Variants in CDHR4 observed in about 807,000 individuals in gnomAD.
CDHR4 encodes cadherin related family member 4, also known as cadherin-related family member 4.
CDHR4 carries 89 observed loss-of-function variants against 88.4 expected under a neutral mutation model. The observed-to-expected ratio is 1.01, with a 90% CI of 0.85 to 1.20. The LOEUF (loss-of-function observed/expected upper bound fraction) is 1.20. Among genes scored for constraint, CDHR4 ranks in the 50% most tolerant of loss-of-function variants. The pLI, the probability that CDHR4 is intolerant of heterozygous loss-of-function variation, is 0.00. For missense variants in CDHR4, 914 were observed against 1,007.2 expected, an observed-to-expected ratio of 0.91 and a Z score of 1.25; for synonymous variants, 368 against 399.2, an observed-to-expected ratio of 0.92 and a Z score of 0.93.
chr3:49,793,339 G>T, intron 12 of CDHR4, 28 bp from the exon 13 acceptor site: 1 of 1,548,326 alleles, frequency 6.5e-7, no homozygotes, highest in South Asian at 1.2e-5. Flanking sequence ...GTTAGGAGTG[G>T]GTGGAACCCA....
rs2081314384 is a variant in CDHR4, at chr3:49,798,840, G to T, written c.481C>A (p.Leu161Ile). ...LYTLLLPGLELHGAQMSIISA... is the reference protein window; with the variant it reads ...LYTLLLPGLEIHGAQMSIISA... ...TCTGGGCTTACCTGCGCTCCGTGGAGTTCTAGGCCTGGGAGGAGCAGAGTG... is the reference window on the plus strand; with the variant it reads ...TCTGGGCTTACCTGCGCTCCGTGGATTTCTAGGCCTGGGAGGAGCAGAGTG... The change falls in exon 4 of 19, where the codon CTC becomes ATC. Residue 161 changes from leucine to isoleucine, a missense_variant. Physicochemically the swap from Leu to Ile is conservative, Grantham distance 5. Coordinates refer to ENST00000412678, the MANE Select transcript of CDHR4 (RefSeq NM_001007540.4). 4.3e-6 allele frequency: 7 copies of T among 1,613,802 alleles called. No homozygotes were observed. Among genetic ancestry groups the T allele is most frequent in the Non-Finnish European group, 5.9e-6 (7 of 1,179,874 alleles).
In CDHR4 at chr3:49,795,355, G is replaced by C. The variant is rs73079003; in HGVS notation, c.872C>G (p.Thr291Arg). ...TGAGGTGCGAGCTAACTCTAGGGGC[G>C]TGGTGGTCCGGACCACACCGTCTGC... ...GRADGVVRTTTPLELARTSGT... is the reference protein window; with the variant it reads ...GRADGVVRTTRPLELARTSGT... The change falls in exon 8 of 19, where the codon ACG becomes AGG. Residue 291 changes from threonine to arginine, a missense_variant. By Grantham distance (71) the Thr-to-Arg change is moderately conservative. Transcript: ENST00000412678. The surrounding 1 kb of genome is among the most constrained non-coding windows in gnomAD (Gnocchi z 5.4). 1.3e-6 allele frequency: 2 copies of C among 1,550,942 alleles called. No individual in the cohort carries two copies. Among genetic ancestry groups the C allele is most frequent in the South Asian group, 2.4e-5 (2 of 84,044 alleles).
chr3:49,795,721 C>T lies in CDHR4; in HGVS notation c.754G>A (p.Gly252Ser), dbSNP rs554908956. ...GCCTGGACCTGAACCACCTCACTAC[C>T]GGGGGCCAGATTCTCAGGGATGGTG... is the stretch of plus-strand genomic sequence containing the variant. The part of the protein sequence containing the change: ...NITIPENLAP[G>S]SEVVQVQARG... The change falls in exon 7 of 19, where the codon GGT becomes AGT. Residue 252 changes from glycine to serine, a missense_variant. Transcript: ENST00000412678. The surrounding 1 kb of genome is among the most constrained non-coding windows in gnomAD (Gnocchi z 5.4). 1.1e-4 allele frequency: 163 copies of T among 1,551,660 alleles called. 4 individuals are homozygous for T. The South Asian group carries it at 1.6e-3, about 15-fold the overall frequency.
Position 49,799,309 on chromosome 3 carries a change from G to C in CDHR4, c.178C>G (p.Pro60Ala), listed in dbSNP as rs1457586681. The part of the protein sequence containing the change: ...TPTLELLNVQ[P>A]PTTFFNPPSL... ...GGTGGGTTGAAGAAGGTGGTGGGTG[G>C]CTGGACATTGAGCAACTCCAGGGTG... Residue 60 changes from proline (P) to alanine (A), a missense_variant, in exon 2 of 19, where the codon CCA (proline) becomes GCA (alanine). Physicochemically the swap from Pro to Ala is conservative, Grantham distance 27 (BLOSUM62 -1). Transcript: ENST00000412678. 1 of 1,613,828 alleles carries C rather than the reference G, an allele frequency of 6.2e-7. No homozygotes were observed. The highest frequency in any genetic ancestry group is 8.5e-7 in the Non-Finnish European group (1 of 1,179,854).
At chr3:49,798,754 G>T (rs1575353537) in intron 4 of CDHR4, 72 bp downstream of exon 4, 4 of 1,446,436 alleles carry the variant, frequency 2.8e-6, no homozygotes, top group African/African-American at 2.8e-5. Context: ...GCCTGGCCAG[G>T]TGGGGGTTAA....
At chr3:49,800,640 C>T (rs1261439932), upstream of CDHR4, among the ~76,000 whole-genome samples, 1 of 152,148 alleles carries the variant, frequency 6.6e-6, no homozygotes, top group African/African-American at 2.4e-5. Context: ...CACCAGGTGG[C>T]ATCCAGGAGT....
chr3:49,793,486 G>T (rs999207540), intron 12 of CDHR4, 97 bp downstream of exon 12: 1 of 1,494,142 alleles, frequency 6.7e-7, no homozygotes, highest in Admixed American at 2.2e-5. Flanking sequence ...ACTCGTGGAA[G>T]AAACCAAGGC....
At chr3:49,797,317 C>G (rs2081286986) in intron 4 of CDHR4, among the ~76,000 whole-genome samples, 1 of 151,360 alleles carries the variant, frequency 6.6e-6, no homozygotes, top group Non-Finnish European at 1.5e-5. Flanking sequence ...CTCTCTCTGT[C>G]GCCCAGGCTG....
At position 49,792,898 on chromosome 3, in the gene CDHR4, G is replaced by T. The variant is rs1172134136; in HGVS notation, c.1951C>A (p.Pro651Thr). ...GTGGCCACTGTGCTGGCCCTCCGGG[G>T]AACTAGATGCACAATAATGGTGGCT... Reference protein sequence around the residue: ...TTATIIVHLVPRRASTVATST... With the variant: ...TTATIIVHLVTRRASTVATST... Residue 651 changes from proline to threonine, a missense_variant, in exon 14 of 19, where the codon CCC (proline) becomes ACC (threonine). Physicochemically the swap from Pro to Thr is conservative, Grantham distance 38. Transcript: ENST00000412678. 1 of 1,550,548 alleles carries T rather than the reference G, an allele frequency of 6.4e-7. No individual in the cohort carries two copies. The highest frequency in any genetic ancestry group is 8.7e-7 in the Non-Finnish European group (1 of 1,146,150).
chr3:49,791,296 G>C (rs2081175835), intron 18 of CDHR4, 145 bp downstream of exon 18: 3 of 868,914 alleles, frequency 3.5e-6, no homozygotes, highest in South Asian at 1.8e-5. Flanking sequence ...GCGGGGATGA[G>C]AGCAGACCCC....
At chr3:49,799,657 T>C in intron 1 of CDHR4, 107 bp downstream of exon 1, 1 of 1,295,238 alleles carries the variant, frequency 7.7e-7, no homozygotes, top group Non-Finnish European at 1.1e-6. Flanking sequence ...TTCAGATTCT[T>C]ACACTTTCCT....
chr3:49,795,977 C>A lies in CDHR4; in HGVS notation c.676G>T (p.Val226Phe). The A allele has an allele frequency of 6.5e-7, 1 of 1,545,362 alleles. No homozygotes were observed. Among genetic ancestry groups the A allele is most frequent in the Non-Finnish European group, 8.7e-7 (1 of 1,144,418 alleles). ...QSCQGMVIVKVLPVPSSQVSF... is the reference protein window; with the variant it reads ...QSCQGMVIVKFLPVPSSQVSF... The stretch of plus-strand genomic sequence containing the variant: ...ACCTGGCTGGAGGGAACAGGCAAAA[C>A]CTTCACTATCACCATCCCTTGGCAG... The change falls in exon 6 of 19, where the codon GTT becomes TTT. Residue 226 changes from valine (V) to phenylalanine (F), a missense_variant. Coordinates refer to ENST00000412678, the MANE Select transcript of CDHR4 (RefSeq NM_001007540.4). The surrounding 1 kb of genome is among the most constrained non-coding windows in gnomAD (Gnocchi z 5.4).
chr3:49,801,997 T>C (rs2081367252), upstream of CDHR4, among the ~76,000 whole-genome samples: 1 of 152,204 alleles, frequency 6.6e-6, no homozygotes, highest in South Asian at 2.1e-4. Flanking sequence ...CTGGTTTTGC[T>C]GACCTTTTCC....
Position 49,791,458 on chromosome 3 carries a change from C to T in CDHR4, c.2294G>A (p.Gly765Asp), listed in dbSNP as rs1436935265. The stretch of plus-strand genomic sequence containing the variant: ...GGACTCACGGGAGTCCTGTGCTCTG[C>T]CATCAAAATGCTGCTGAGGGAAAAA... ...PSSVMSLHFD[G>D]RAQDSRTGRD... The change falls in exon 18 of 19, where the codon GGC (glycine) becomes GAC (aspartate). Residue 765 changes from glycine (G) to aspartate (D), a missense_variant. Physicochemically the swap from Gly to Asp is moderately conservative, Grantham distance 94 (BLOSUM62 -1). Coordinates refer to ENST00000412678, the MANE Select transcript of CDHR4 (RefSeq NM_001007540.4). The T allele has an allele frequency of 3.9e-6, 6 of 1,547,102 alleles. No individual in the cohort carries two copies. In the Middle Eastern group the frequency reaches 6.7e-4, roughly 173 times the overall value.
chr3:49,795,938 C>A lies in CDHR4; in HGVS notation c.710+5G>T. The A allele has an allele frequency of 6.5e-7, 1 of 1,534,276 alleles. No individual in the cohort carries two copies. Among genetic ancestry groups the A allele is most frequent in the Non-Finnish European group, 8.8e-7 (1 of 1,139,082 alleles). ...CCTCACTGTTCCAGGGTAGGGGAGC[C>A]TTACAGGAAGGAGACCTGGCTGGAG... On this transcript the variant is annotated splice_donor_5th_base_variant and intron_variant, in intron 6 of 18. Coordinates refer to ENST00000412678, the MANE Select transcript of CDHR4 (RefSeq NM_001007540.4). This position sits in a 1 kb window ranked among gnomAD's most constrained non-coding sequence, Gnocchi z 5.4.
At chr3:49,802,092 C>T (rs1274846297), upstream of CDHR4, among the ~76,000 whole-genome samples, 1 of 152,216 alleles carries the variant, frequency 6.6e-6, no homozygotes, top group East Asian at 1.9e-4. Flanking sequence ...GGTCTCTTCC[C>T]TGGCTGCTCC....
chr3:49,797,604 CCCGAA>C (rs904303712), intron 4 of CDHR4, among the ~76,000 whole-genome samples: 1 of 152,142 alleles, frequency 6.6e-6, no homozygotes, highest in Non-Finnish European at 1.5e-5. Context: ...GTCTCAGCCT[CCCGAA>C]TAGCTGAGAT....
chr3:49,798,987 G>A lies in CDHR4; in HGVS notation c.403+7C>T, dbSNP rs1275563009. The A allele has an allele frequency of 6.2e-7, 1 of 1,610,134 alleles. No homozygotes were observed. The highest frequency in any genetic ancestry group is 8.5e-7 in the Non-Finnish European group (1 of 1,178,474). On this transcript the variant is annotated splice_region_variant and intron_variant, in intron 3 of 18. Coordinates refer to ENST00000412678, the MANE Select transcript of CDHR4 (RefSeq NM_001007540.4). ...GCCCCCACCCTGCCGGCTGCCCCTG[G>A]CCTCACCTGGGCTGGCAAATTGACC... is the stretch of plus-strand genomic sequence containing the variant.
At chr3:49,799,468 C>A in intron 1 of CDHR4, 31 bp from the exon 2 acceptor site, 1 of 1,556,316 alleles carries the variant, frequency 6.4e-7, no homozygotes, top group South Asian at 1.2e-5. Flanking sequence ...AGGCTGGAGG[C>A]CCCCAGGCTG....
Sources: gnomAD v4.1 joint callset for allele counts (sites outside exome capture counted in the v4.1 genomes callset) on GRCh38, gnomAD v4.1.1 for gene constraint, Gnocchi (gnomAD v3.1) non-coding constraint, MANE v1.5 for transcripts, NCBI Gene and HGNC (gene_info 2026-07-23, HGNC 2026-07-21) for gene names.